FAM222B: variants seen among roughly 807,000 people sequenced by gnomAD.
The protein encoded by FAM222B is protein FAM222B.
FAM222B carries 12 observed loss-of-function variants against 38.0 expected under a neutral mutation model. The observed-to-expected ratio is 0.32, with a 90% CI of 0.20 to 0.51. FAM222B has a LOEUF of 0.51. Among genes scored for constraint, FAM222B ranks in the 20% least tolerant of loss-of-function variants. The probability of loss-of-function intolerance (pLI) is 0.97; values close to 1 mark genes in which losing one functional copy is unlikely to be tolerated. For synonymous variants in FAM222B, 329 were observed against 317.2 expected (o/e 1.04, Z -0.40); for missense variants, 716 against 754.2 (o/e 0.95, Z 0.59).
intron 1 of FAM222B, among the ~76,000 whole-genome samples, chr17:28,817,817 G>A (rs2038077782): frequency 6.6e-6 from 1 of 152,094 alleles, no homozygotes; most frequent in Non-Finnish European, 1.5e-5. Flanking sequence ...CAGGACAGAA[G>A]GAGAATCATT....
intron 2 of FAM222B, among the ~76,000 whole-genome samples, chr17:28,761,431 A>G (rs2035066494): frequency 6.6e-6 from 1 of 152,234 alleles, no homozygotes; most frequent in African/African-American, 2.4e-5. Flanking sequence ...CTCTCTCCTT[A>G]CTTCCTCCTC....
intron 1 of FAM222B, among the ~76,000 whole-genome samples, chr17:28,819,397 T>C (rs982129398): frequency 6.6e-6 from 1 of 152,058 alleles, no homozygotes. Context: ...ATACATAAAG[T>C]CAAAAATTAT....
chr17:28,801,018 C>T (rs1331977835), intron 1 of FAM222B, among the ~76,000 whole-genome samples: 3 of 151,084 alleles, frequency 2.0e-5, no homozygotes, highest in Admixed American at 6.6e-5. Context: ...ATTAGCTGGG[C>T]GTGGTGGCAG....
At position 28,767,346 on chromosome 17, in the gene FAM222B, C is replaced by T. The variant is rs529839082; in HGVS notation, c.-40-639G>A. ...AATTTCTTTGTATTTTTAGTAGAGA[C>T]GGGGTTTCACCATGTTGGCCAGGCT... is the stretch of plus-strand genomic sequence containing the variant. On this transcript the variant is annotated intron_variant, in intron 1 of 2. Coordinates refer to ENST00000581407, the MANE Select transcript of FAM222B (RefSeq NM_001077498.3). 3.8e-4 allele frequency among the ~76,000 whole-genome samples: 58 copies of T among 152,148 alleles called. No homozygotes were observed. The South Asian group carries it at 8.1e-3, about 21-fold the overall frequency.
chr17:28,854,848 A>T, intron 1 of FAM222B: 1 of 608,582 alleles, frequency 1.6e-6, no homozygotes, highest in Non-Finnish European at 2.8e-6. Context: ...ACAGACTCTA[A>T]ATACACATTT....
chr17:28,812,422 T>A (rs983725875), intron 1 of FAM222B: 1 of 146,316 alleles, frequency 6.8e-6, no homozygotes. Context: ...CGACACCCCC[T>A]CCCCCAGCCG....
In FAM222B at chr17:28,759,448, T is replaced by C; in HGVS notation, c.511A>G (p.Thr171Ala). Residue 171 changes from threonine to alanine, a missense_variant, in exon 3 of 3, where the codon ACG becomes GCG. By Grantham distance (58) the Thr-to-Ala change is moderately conservative (BLOSUM62 0). Transcript: ENST00000581407. This position sits in a 1 kb window ranked among gnomAD's most constrained non-coding sequence, Gnocchi z 4.8. ...GGGATACCCTGAGGGTGCTGCAGCGTCTGGGGAGGGGCATGGGCCAGGGTC... is the reference window on the plus strand; with the variant it reads ...GGGATACCCTGAGGGTGCTGCAGCGCCTGGGGAGGGGCATGGGCCAGGGTC... ...AQTLAHAPPQ[T>A]LQHPQGIPPP... The C allele has an allele frequency of 6.4e-7, 1 of 1,572,544 alleles. No individual in the cohort carries two copies.
intron 1 of FAM222B, among the ~76,000 whole-genome samples, chr17:28,829,109 T>C (rs1461414912): frequency 2.0e-5 from 3 of 152,096 alleles, no homozygotes; most frequent in Admixed American, 6.6e-5. Context: ...TTTCACTACA[T>C]TGGCCAGGCT....
intron 1 of FAM222B, among the ~76,000 whole-genome samples, chr17:28,805,194 T>C (rs981228833): frequency 1.1e-4 from 17 of 151,744 alleles, no homozygotes; most frequent in African/African-American, 3.9e-4. Flanking sequence ...CCCGTCTCTA[T>C]AAAAAATGAA....
chr17:28,846,710 C>T (rs988427102), upstream of FAM222B, among the ~76,000 whole-genome samples: 2 of 152,030 alleles, frequency 1.3e-5, no homozygotes, highest in Non-Finnish European at 2.9e-5. Context: ...CCTCTATTAA[C>T]CCCACAGCCC....
intron 1 of FAM222B, among the ~76,000 whole-genome samples, chr17:28,832,800 G>A (rs1282435085): frequency 6.6e-6 from 1 of 152,048 alleles, no homozygotes; most frequent in Admixed American, 6.6e-5. Context: ...AGAAGGGGGA[G>A]AAGTTGAAAA....
At chr17:28,791,663 T>C (rs2151873005) in intron 1 of FAM222B, among the ~76,000 whole-genome samples, 1 of 149,994 alleles carries the variant, frequency 6.7e-6, no homozygotes, top group East Asian at 2.0e-4. Flanking sequence ...GGAGAATCAC[T>C]TGAGCCCAGG....
intron 2 of FAM222B, among the ~76,000 whole-genome samples, chr17:28,762,837 G>A (rs2035148734): frequency 6.6e-6 from 1 of 151,234 alleles, no homozygotes; most frequent in Admixed American, 6.6e-5. Context: ...CTACTCGGGA[G>A]GCTGAGGCAA....
intron 2 of FAM222B, among the ~76,000 whole-genome samples, chr17:28,762,457 C>G (rs945191312): frequency 1.3e-5 from 2 of 149,730 alleles, no homozygotes; most frequent in African/African-American, 4.9e-5. Context: ...GAAACCCTGT[C>G]TCTACTAAAA....
chr17:28,758,685 G>A lies in FAM222B; in HGVS notation c.1274C>T (p.Pro425Leu), dbSNP rs1177497247. Reference protein sequence around the residue: ...CLAQSFHLKPPLEKPTPSPPV... With the variant: ...CLAQSFHLKPLLEKPTPSPPV... The stretch of plus-strand genomic sequence containing the variant: ...TGGGGATGGGGTCGGCTTTTCCAGG[G>A]GTGGCTTCAGATGGAAGGACTGCGC... Residue 425 changes from proline (P) to leucine (L), a missense_variant, in exon 3 of 3, where the codon CCC (proline) becomes CTC (leucine). Transcript: ENST00000581407. 4.4e-6 allele frequency: 7 copies of A among 1,603,468 alleles called. No homozygotes were observed. The highest frequency in any genetic ancestry group is 1.7e-5 in the Admixed American group (1 of 58,972).
chr17:28,847,697 G>A (rs1241034678), upstream of FAM222B, among the ~76,000 whole-genome samples: 1 of 151,946 alleles, frequency 6.6e-6, no homozygotes, highest in East Asian at 1.9e-4. Flanking sequence ...GGCAGATCAC[G>A]AGGTCAGGAG....
intron 1 of FAM222B, among the ~76,000 whole-genome samples, chr17:28,784,491 T>TAAAAAAAAAAAAAAAAAAA (rs559624246): frequency 1.1e-4 from 4 of 36,050 alleles, no homozygotes; most frequent in Non-Finnish European, 1.5e-4. Context: ...TCCCCTCTCT[T>TAAAAAAAAAAAAAAAAAAA]AAAAAAAAAA....
intron 1 of FAM222B, among the ~76,000 whole-genome samples, chr17:28,788,562 G>T (rs2036522047): frequency 6.6e-6 from 1 of 151,692 alleles, no homozygotes. Context: ...TTATCAAAGT[G>T]TGTGACTGCT....
chr17:28,768,809 C>T (rs1322840876), intron 1 of FAM222B, among the ~76,000 whole-genome samples: 3 of 148,202 alleles, frequency 2.0e-5, no homozygotes, highest in South Asian at 4.4e-4. Context: ...GCACTCCAGC[C>T]CGGGCCACAA....
Sources: allele counts gnomAD v4.1 joint callset (sites outside exome capture counted in the v4.1 genomes callset), GRCh38; gene constraint gnomAD v4.1.1; non-coding constraint Gnocchi (gnomAD v3.1); transcripts MANE v1.5; gene names NCBI Gene and HGNC (gene_info 2026-07-23, HGNC 2026-07-21).